ZC3H7A: variants seen among roughly 807,000 people sequenced by gnomAD.
ZC3H7A encodes zinc finger CCCH domain-containing protein 7A.
In ZC3H7A, 44 loss-of-function variants were observed where a neutral mutation model predicts 125.5. The observed-to-expected ratio is 0.35, with a 90% CI of 0.28 to 0.45. The LOEUF is 0.45. Among genes scored for constraint, ZC3H7A ranks in the 20% least tolerant of loss-of-function variants. ZC3H7A has a pLI of 1.00. For synonymous variants in ZC3H7A, 399 were observed against 391.2 expected (o/e 1.02, Z -0.23); for missense variants, 977 against 1,170.7 (o/e 0.83, Z 2.41).
In ZC3H7A at chr16:11,751,129, G is replaced by C. The variant is rs2052546749; in HGVS notation, c.*188C>G. On this transcript the variant is annotated 3_prime_UTR_variant, in exon 23 of 23. Transcript: ENST00000355758. ...GTCACTTCACCATCTGATGCCAGTG[G>C]TTCCGTGAGAGCGTGGCCAGGCCTG... The C allele has an allele frequency of 1.8e-6, 1 of 540,550 alleles. No individual in the cohort carries two copies. The highest frequency in any genetic ancestry group is 3.2e-6 in the Non-Finnish European group (1 of 314,816). The allele number at this position is 540,550 out of a possible 1,614,324, so 33.5% of individuals were successfully genotyped here.
At position 11,793,908 on chromosome 16, in the gene ZC3H7A, C is replaced by G. The variant is rs139605642; in HGVS notation, c.-35+3216G>C. 3.5e-3 allele frequency among the ~76,000 whole-genome samples: 540 copies of G among 152,274 alleles called. 2 individuals carry two copies. The highest frequency in any genetic ancestry group is 0.012 in the African/African-American group (512 of 41,562). On this transcript the variant is annotated intron_variant, in intron 1 of 22. Transcript: ENST00000355758. ...ACATTTTGGCTGGAGTTCTTCCCCC[C>G]ACAGGAACTATTCACTTTGAAATTG... is the stretch of plus-strand genomic sequence containing the variant.
At chr16:11,791,139 GC>G (rs1024466152) in intron 1 of ZC3H7A, among the ~76,000 whole-genome samples, 21 of 136,354 alleles carry the variant, frequency 1.5e-4, no homozygotes, top group African/African-American at 6.3e-4. Flanking sequence ...ACATCCCAAT[GC>G]TTGCACTCTG....
chr16:11,792,132 T>A (rs1001883150), intron 1 of ZC3H7A, among the ~76,000 whole-genome samples: 1 of 152,192 alleles, frequency 6.6e-6, no homozygotes, highest in African/African-American at 2.4e-5. Flanking sequence ...GTTCTCAAAC[T>A]TCCAGGCTCA....
intron 21 of ZC3H7A, among the ~76,000 whole-genome samples, 155 bp downstream of exon 21, chr16:11,756,082 G>C (rs2052642020): frequency 6.6e-6 from 1 of 152,148 alleles, no homozygotes; most frequent in Non-Finnish European, 1.5e-5. Flanking sequence ...AGAATTGCTT[G>C]AACCAGGGAG....
At chr16:11,786,606 TAC>T (rs892176448) in intron 1 of ZC3H7A, among the ~76,000 whole-genome samples, 2 of 152,196 alleles carry the variant, frequency 1.3e-5, no homozygotes, top group African/African-American at 4.8e-5. Context: ...GGAAAATGGA[TAC>T]AGACGTTTTT....
intron 19 of ZC3H7A, among the ~76,000 whole-genome samples, chr16:11,760,212 T>C (rs1489517856): frequency 1.3e-5 from 2 of 150,544 alleles, no homozygotes; most frequent in Non-Finnish European, 2.9e-5. Flanking sequence ...GCTACTGTAA[T>C]GTTGCACAGT....
Position 11,765,228 on chromosome 16 carries a change from C to G in ZC3H7A, c.1720-75G>C, listed in dbSNP as rs2052834366. Reference sequence around the variant, plus strand: ...TGTACCCAGAATATTGTCCTAGTTTCAATATCATTACAAAATTAATATTCA... The same window carrying G: ...TGTACCCAGAATATTGTCCTAGTTTGAATATCATTACAAAATTAATATTCA... On this transcript the variant is annotated intron_variant, in intron 14 of 22. Coordinates refer to ENST00000355758, the MANE Select transcript of ZC3H7A (RefSeq NM_014153.4). The surrounding 1 kb of genome is among the most constrained non-coding windows in gnomAD (Gnocchi z 4.8). The G allele has an allele frequency of 1.1e-6, 1 of 942,726 alleles. No individual in the cohort carries two copies. The highest frequency in any genetic ancestry group is 1.5e-6 in the Non-Finnish European group (1 of 657,372). The allele number at this position is 942,726 out of a possible 1,614,324, so 58.4% of individuals were successfully genotyped here.
At position 11,751,347 on chromosome 16, in the gene ZC3H7A, T is replaced by C. The variant is rs747944505; in HGVS notation, c.2886A>G (p.Lys962=). ...LIGPNDNDFG[K]YSFLFKDLN ...TTAAATCTTTAAACAAAAAACTATA[T>C]TTTCCAAAGTCATTATCATTTGGGC... Residue 962 remains lysine (K), a synonymous_variant, in exon 23 of 23, where the codon AAA becomes AAG. Transcript: ENST00000355758. The C allele has an allele frequency of 2.5e-6, 4 of 1,613,056 alleles. No homozygotes were observed. Among genetic ancestry groups the C allele is most frequent in the Non-Finnish European group, 2.5e-6 (3 of 1,179,764 alleles).
chr16:11,792,011 A>T (rs1343919882), intron 1 of ZC3H7A, among the ~76,000 whole-genome samples: 1 of 152,166 alleles, frequency 6.6e-6, no homozygotes, highest in East Asian at 1.9e-4. Flanking sequence ...TCCAGAGCTC[A>T]ATCTTCCCAT....
At chr16:11,767,203 A>G (rs1205256480) in intron 13 of ZC3H7A, among the ~76,000 whole-genome samples, 2 of 152,174 alleles carry the variant, frequency 1.3e-5, no homozygotes, top group Admixed American at 1.3e-4. Context: ...TATTCAGTAC[A>G]GTAACAAACT....
chr16:11,779,527 A>G (rs2053138993), intron 3 of ZC3H7A, among the ~76,000 whole-genome samples, 164 bp from the exon 4 acceptor site: 1 of 152,244 alleles, frequency 6.6e-6, no homozygotes, highest in Admixed American at 6.5e-5. Flanking sequence ...TATCTCAGCT[A>G]GGGATTGAAT....
chr16:11,774,223 C>A lies in ZC3H7A; in HGVS notation c.903+13G>T. On this transcript the variant is annotated intron_variant, in intron 9 of 22. Coordinates refer to ENST00000355758, the MANE Select transcript of ZC3H7A (RefSeq NM_014153.4). ...CTGTCTTCAGAAGAAACTTGAGTAA[C>A]ACTGAAACTTACCATAACAGTTTCA... is the stretch of plus-strand genomic sequence containing the variant. The A allele has an allele frequency of 6.5e-7, 1 of 1,545,074 alleles. No individual in the cohort carries two copies. The highest frequency in any genetic ancestry group is 8.8e-7 in the Non-Finnish European group (1 of 1,141,824).
At position 11,751,415 on chromosome 16, in the gene ZC3H7A, G is replaced by A. The variant is rs201031574; in HGVS notation, c.2818C>T (p.Leu940=). Residue 940 remains leucine, a synonymous_variant, in exon 23 of 23, where the codon CTA becomes TTA. Transcript: ENST00000355758. ...CGTGCTTTGTTGAGCTTCATCTTTA[G>A]GGCATCTCTTCTTTCTTCCCATTCA... is the stretch of plus-strand genomic sequence containing the variant. ...LHEWEERRDA[L]KMKLNKARKD... 6.5e-5 allele frequency: 105 copies of A among 1,614,076 alleles called. No homozygotes were observed. The highest frequency in any genetic ancestry group is 8.4e-5 in the Non-Finnish European group (99 of 1,180,004).
chr16:11,751,110 T>C lies in ZC3H7A; in HGVS notation c.*207A>G. 2 of 497,822 alleles carry C rather than the reference T, an allele frequency of 4.0e-6. No homozygotes were observed. The highest frequency in any genetic ancestry group is 5.7e-5 in the South Asian group (2 of 35,278). The allele number at this position is 497,822 out of a possible 1,614,324, so 30.8% of individuals were successfully genotyped here. On this transcript the variant is annotated 3_prime_UTR_variant, in exon 23 of 23. Transcript: ENST00000355758. ...AGATGGCAACCGGGTAGCAGTCACT[T>C]CACCATCTGATGCCAGTGGTTCCGT...
chr16:11,776,588 G>A, intron 5 of ZC3H7A, 56 bp from the exon 6 acceptor site: 3 of 1,531,416 alleles, frequency 2.0e-6, no homozygotes, highest in South Asian at 1.2e-5. Context: ...TGGTGAAGAA[G>A]AATAGACAAA....
At position 11,771,119 on chromosome 16, in the gene ZC3H7A, C is replaced by T. The variant is rs9925527; in HGVS notation, c.904-132G>A. 0.01 allele frequency: 9,411 copies of T among 896,824 alleles called. 644 individuals carry two copies. The African/African-American group carries it at 0.14, about 14-fold the overall frequency. The allele number at this position is 896,824 out of a possible 1,614,324, so 55.6% of individuals were successfully genotyped here. A position where few individuals can be genotyped will look rare whatever the true frequency, so the allele number is the denominator to read the frequency against. The stretch of plus-strand genomic sequence containing the variant: ...GTTACATAACAAAGTTTAGGCCAGG[C>T]ATGGTGGCCTGTAATCCTAACACTT... On this transcript the variant is annotated intron_variant, in intron 9 of 22. Transcript: ENST00000355758.
chr16:11,767,399 A>G lies in ZC3H7A; in HGVS notation c.1522+18T>C, dbSNP rs1045640926. Reference sequence around the variant, plus strand: ...TCACTTATGTAATGTATACTAATTAAGTAATTACAGTACATACCTTTACAT... The same window carrying G: ...TCACTTATGTAATGTATACTAATTAGGTAATTACAGTACATACCTTTACAT... On this transcript the variant is annotated intron_variant, in intron 13 of 22. Coordinates refer to ENST00000355758, the MANE Select transcript of ZC3H7A (RefSeq NM_014153.4). The G allele has an allele frequency of 6.6e-7, 1 of 1,504,918 alleles. No individual in the cohort carries two copies. The highest frequency in any genetic ancestry group is 1.4e-5 in the African/African-American group (1 of 71,624). The allele number at this position is 1,504,918 out of a possible 1,614,324, so 93.2% of individuals were successfully genotyped here.
chr16:11,764,863 T>C lies in ZC3H7A; in HGVS notation c.1820+190A>G, dbSNP rs969243702. 11 of 458,298 alleles carry C rather than the reference T, an allele frequency of 2.4e-5. No individual in the cohort carries two copies. In the East Asian group the frequency reaches 4.3e-4, roughly 18 times the overall value. 28.4% of individuals were successfully genotyped at this position (458,298 alleles called of 1,614,324 possible). A position where few individuals can be genotyped will look rare whatever the true frequency, so the allele number is the denominator to read the frequency against. On this transcript the variant is annotated intron_variant, in intron 15 of 22. Transcript: ENST00000355758. The stretch of plus-strand genomic sequence containing the variant: ...AATAATGCTTTTCTGTTTTACATAA[T>C]ATATTTAGTTAATTATTCACTTTCC...
chr16:11,780,321 A>C (rs561351641), intron 3 of ZC3H7A, among the ~76,000 whole-genome samples: 10 of 151,930 alleles, frequency 6.6e-5, no homozygotes, highest in Non-Finnish European at 1.3e-4. Flanking sequence ...GGGTTTCGCC[A>C]TGTTGCCCAG....
Sources: gnomAD v4.1 joint callset for allele counts (sites outside exome capture counted in the v4.1 genomes callset) on GRCh38, gnomAD v4.1.1 for gene constraint, Gnocchi (gnomAD v3.1) non-coding constraint, MANE v1.5 for transcripts, NCBI Gene and HGNC (gene_info 2026-07-23, HGNC 2026-07-21) for gene names.